Variants in SLC5A11 observed in about 807,000 individuals in gnomAD.
The protein encoded by SLC5A11 is solute carrier family 5 member 11.
In SLC5A11, 48 loss-of-function variants were observed where a neutral mutation model predicts 69.8. The ratio of observed to expected loss-of-function variants is 0.69; its 90% CI spans 0.55 to 0.87. The LOEUF (loss-of-function observed/expected upper bound fraction) is 0.87. Among genes scored for constraint, SLC5A11 ranks in the 40% least tolerant of loss-of-function variants. The pLI is 0.00. For missense variants in SLC5A11, 784 were observed against 866.1 expected, an observed-to-expected ratio of 0.91 and a Z score of 1.19; for synonymous variants, 319 against 342.4, an observed-to-expected ratio of 0.93 and a Z score of 0.75.
intron 6 of SLC5A11, among the ~76,000 whole-genome samples, chr16:24,876,371 C>T (rs1228704083): frequency 1.3e-5 from 2 of 152,044 alleles, no homozygotes; most frequent in Non-Finnish European, 2.9e-5. Context: ...TTCTCTTCCT[C>T]CTGGAATTAG....
intron 8 of SLC5A11, among the ~76,000 whole-genome samples, chr16:24,888,478 C>CTA (rs2048534309): frequency 1.2e-5 from 1 of 81,406 alleles, no homozygotes; most frequent in African/African-American, 5.0e-5. Context: ...GTATCTATTT[C>CTA]TTTTTTTTTT....
intron 10 of SLC5A11, among the ~76,000 whole-genome samples, chr16:24,905,722 C>T (rs1224459581): frequency 6.6e-6 from 1 of 152,024 alleles, no homozygotes; most frequent in Non-Finnish European, 1.5e-5. Context: ...CCAATCTTCT[C>T]TACCTGAGCT....
Position 24,907,095 on chromosome 16 carries a change from T to G in SLC5A11, c.1185T>G (p.Ser395Arg), listed in dbSNP as rs760282373. The G allele has an allele frequency of 8.7e-6, 14 of 1,613,952 alleles. No individual in the cohort carries two copies. The highest frequency in any genetic ancestry group is 1.1e-5 in the Non-Finnish European group (13 of 1,180,010). The change falls in exon 12 of 16, where the codon AGT becomes AGG. Residue 395 changes from serine (S) to arginine (R), a missense_variant. Physicochemically the swap from Ser to Arg is moderately radical, Grantham distance 110. This residue lies in a region of SLC5A11 where 550 missense variants were observed against 606.4 expected (regional missense o/e 0.91). Transcript: ENST00000347898. ...CCTCCCTCACCTCCATCTTTAACAG[T>G]GCCAGCACCATCTTCACCATGGACC...
chr16:24,873,839 T>TC (rs2047492724), intron 5 of SLC5A11, among the ~76,000 whole-genome samples: 1 of 151,490 alleles, frequency 6.6e-6, no homozygotes, highest in South Asian at 2.1e-4. Context: ...TTTTTTTTTT[T>TC]TTTTGAGGCA....
exon 2 of SLC5A11, chr16:24,858,751 C>T: frequency 6.2e-7 from 1 of 1,611,514 alleles, no homozygotes; most frequent in Non-Finnish European, 8.5e-7. Flanking sequence ...TTCTGTACTT[C>T]CTCTTTGTCC....
At chr16:24,911,283 G>A (rs1567714943) in intron 15 of SLC5A11, 45 bp from the exon 17 acceptor site, 1 of 1,596,692 alleles carries the variant, frequency 6.3e-7, no homozygotes, top group Non-Finnish European at 8.6e-7. Flanking sequence ...CTCTCTGGGA[G>A]ATACAGACCA....
intron 1 of SLC5A11, among the ~76,000 whole-genome samples, chr16:24,851,746 T>A (rs139310862): frequency 6.6e-6 from 1 of 152,298 alleles, no homozygotes; most frequent in Non-Finnish European, 1.5e-5. Flanking sequence ...ATTATTAACC[T>A]CATTTCGTAG....
intron 8 of SLC5A11, among the ~76,000 whole-genome samples, chr16:24,889,485 GAACAA>G (rs2048624424): frequency 7.2e-6 from 1 of 139,270 alleles, no homozygotes; most frequent in African/African-American, 2.7e-5. Context: ...CTGTCTCTAA[GAACAA>G]AACAAAACAA....
At chr16:24,875,160 G>T (rs573720459) in intron 5 of SLC5A11, among the ~76,000 whole-genome samples, 77 of 151,966 alleles carry the variant, frequency 5.1e-4, no homozygotes, top group Non-Finnish European at 9.9e-4. Flanking sequence ...TCTATTATCC[G>T]CCTAGAATTT....
intron 2 of SLC5A11, 57 bp downstream of exon 3, chr16:24,858,835 G>A (rs866936619): frequency 5.1e-6 from 8 of 1,565,048 alleles, no homozygotes; most frequent in Middle Eastern, 1.8e-4. Context: ...TCTGTTTAGA[G>A]GTCCGGAGTT....
intron 3 of SLC5A11, 105 bp from the exon 5 acceptor site, chr16:24,869,796 C>T (rs2047154503): frequency 1.3e-5 from 10 of 773,352 alleles, no homozygotes; most frequent in Non-Finnish European, 1.9e-5. Flanking sequence ...CCCTGCCTTC[C>T]TCTACTTCTC....
chr16:24,892,290 G>T (rs2048863842), intron 9 of SLC5A11, among the ~76,000 whole-genome samples: 1 of 151,942 alleles, frequency 6.6e-6, no homozygotes, highest in Non-Finnish European at 1.5e-5. Context: ...TTTGACCAAA[G>T]ACTTTGTAGA....
chr16:24,905,802 T>G (rs1305593504), intron 10 of SLC5A11, among the ~76,000 whole-genome samples: 1 of 152,034 alleles, frequency 6.6e-6, no homozygotes, highest in Non-Finnish European at 1.5e-5. Context: ...GAAACTAACC[T>G]CTGGGCCTCA....
At chr16:24,858,855 C>T in intron 2 of SLC5A11, 77 bp downstream of exon 3, 1 of 1,491,280 alleles carries the variant, frequency 6.7e-7, no homozygotes. Flanking sequence ...TAACCTCATC[C>T]TTTTGGAGCT....
chr16:24,906,543 A>T, intron 10 of SLC5A11, 114 bp from the exon 12 acceptor site: 2 of 542,734 alleles, frequency 3.7e-6, no homozygotes, highest in African/African-American at 1.9e-5. Context: ...ACTCTTTTTT[A>T]TTTCATTGAG....
At chr16:24,909,535 G>C (rs1588575) in intron 14 of SLC5A11, among the ~76,000 whole-genome samples, 2 of 150,806 alleles carry the variant, frequency 1.3e-5, no homozygotes. Flanking sequence ...AGTTACTAGA[G>C]AGGCTGAGGT....
At chr16:24,873,776 T>A (rs1203274834) in intron 5 of SLC5A11, among the ~76,000 whole-genome samples, 1 of 152,066 alleles carries the variant, frequency 6.6e-6, no homozygotes, top group African/African-American at 2.4e-5. Flanking sequence ...GCAGTTGAAT[T>A]TTACTTTTTT....
chr16:24,850,737 G>C (rs553181668), intron 1 of SLC5A11, among the ~76,000 whole-genome samples: 1 of 152,116 alleles, frequency 6.6e-6, no homozygotes, highest in Non-Finnish European at 1.5e-5. Flanking sequence ...CAGAGTCCTT[G>C]TAGGGAGGCT....
chr16:24,870,442 A>AAC (rs1555523056), intron 4 of SLC5A11, among the ~76,000 whole-genome samples: 1 of 140,556 alleles, frequency 7.1e-6, no homozygotes, highest in Admixed American at 7.1e-5. Context: ...AACAAAAAAA[A>AAC]ACACACACAC....
Sources: gnomAD v4.1 joint callset for allele counts (sites outside exome capture counted in the v4.1 genomes callset) on GRCh38, gnomAD v4.1.1 for gene constraint, gnomAD v4.1.1 regional missense constraint, MANE v1.5 for transcripts, NCBI Gene and HGNC (gene_info 2026-07-23, HGNC 2026-07-21) for gene names.